The following PTPN2 variants were observed in gnomAD, a reference collection of about 807,000 sequenced individuals.
The protein encoded by PTPN2 is tyrosine-protein phosphatase non-receptor type 2.
PTPN2 carries 19 observed loss-of-function variants against 57.3 expected under a neutral mutation model. The observed-to-expected ratio is 0.33, with a 90% CI of 0.23 to 0.49. The LOEUF is 0.49. Ranked by LOEUF, PTPN2 falls within the 20% of genes least tolerant of loss-of-function variation. The pLI, the probability that PTPN2 is intolerant of heterozygous loss-of-function variation, is 0.99. For synonymous variants in PTPN2, 153 were observed against 164.9 expected, an observed-to-expected ratio of 0.93 and a Z score of 0.55; for missense variants, 358 against 501.1, an observed-to-expected ratio of 0.71 and a Z score of 2.73.
chr18:12,785,591 T>C, exon 10 of PTPN2: 1 of 582,798 alleles, frequency 1.7e-6, no homozygotes, highest in Non-Finnish European at 3.0e-6. Context: ...TTTCTACATT[T>C]CATACACTCA....
At chr18:12,834,363 G>C (rs925740556) in intron 3 of PTPN2, among the ~76,000 whole-genome samples, 3 of 151,634 alleles carry the variant, frequency 2.0e-5, no homozygotes, top group Non-Finnish European at 4.4e-5. Flanking sequence ...AATGTCTCTG[G>C]ATCTCCTTAG....
In PTPN2 at chr18:12,802,118, A is replaced by C. The variant is rs200711300; in HGVS notation, c.892T>G (p.Ser298Ala). The change falls in exon 8 of 9, where the codon TCT becomes GCT. Residue 298 changes from serine to alanine, a missense_variant. Physicochemically the swap from Ser to Ala is moderately conservative, Grantham distance 99 (BLOSUM62 1). This residue lies in a region of PTPN2 where 193 missense variants were observed against 315.4 expected (regional missense o/e 0.61). Coordinates refer to ENST00000309660, the MANE Select transcript of PTPN2 (RefSeq NM_002828.4). ...TTTGGTGAATGATCAAAGGCAGGAG[A>C]TAAGTCTTCCTTAGAAAGTTCTTTC... ...RWKELSKEDL[S>A]PAFDHSPNKI... 7.5e-5 allele frequency: 121 copies of C among 1,610,722 alleles called. No homozygotes were observed. Among genetic ancestry groups the C allele is most frequent in the Non-Finnish European group, 6.8e-5 (80 of 1,178,540 alleles).
At chr18:12,878,877 T>C (rs1274244186) in intron 1 of PTPN2, among the ~76,000 whole-genome samples, 1 of 152,098 alleles carries the variant, frequency 6.6e-6, no homozygotes, top group Admixed American at 6.6e-5. Flanking sequence ...TAAAAATAAA[T>C]AAGCCAAATT....
chr18:12,820,185 C>T (rs1176520678), intron 5 of PTPN2, among the ~76,000 whole-genome samples: 4 of 151,838 alleles, frequency 2.6e-5, no homozygotes, highest in Non-Finnish European at 4.4e-5. Context: ...GAAGCCAGTT[C>T]CCAGAAATGC....
chr18:12,850,259 G>A (rs1309735607), intron 2 of PTPN2, among the ~76,000 whole-genome samples: 1 of 152,078 alleles, frequency 6.6e-6, no homozygotes, highest in Non-Finnish European at 1.5e-5. Flanking sequence ...GGAAGGCCGA[G>A]GCAGGCAGAT....
At chr18:12,878,562 C>T (rs1041486926) in intron 1 of PTPN2, among the ~76,000 whole-genome samples, 14 of 151,926 alleles carry the variant, frequency 9.2e-5, no homozygotes, top group East Asian at 3.9e-4. Flanking sequence ...CCCAGCTACT[C>T]GGGAGGCTGA....
At chr18:12,794,843 G>C (rs1598728986) in intron 8 of PTPN2, among the ~76,000 whole-genome samples, 1 of 152,130 alleles carries the variant, frequency 6.6e-6, no homozygotes, top group Non-Finnish European at 1.5e-5. Context: ...GGCTGGTCTT[G>C]AACTCCTGAC....
intron 1 of PTPN2, among the ~76,000 whole-genome samples, chr18:12,871,119 T>G (rs907889667): frequency 5.3e-5 from 8 of 152,208 alleles, no homozygotes; most frequent in Admixed American, 2.0e-4. Flanking sequence ...ATTTTTCACT[T>G]AGTATATATT....
chr18:12,875,205 G>A lies in PTPN2; in HGVS notation c.69+8868C>T, dbSNP rs28452535. Among the ~76,000 whole-genome samples the A allele has an allele frequency of 2.6e-3, 392 of 152,036 alleles. 5 individuals are homozygous for A. Among genetic ancestry groups the A allele is most frequent in the African/African-American group, 8.1e-3 (335 of 41,464 alleles). The stretch of plus-strand genomic sequence containing the variant: ...CAGGGTCCTCTGCCTAGGAAAACCA[G>A]AGACCTTTGTTCACTTGTTTATCTG... On this transcript the variant is annotated intron_variant, in intron 1 of 8. Coordinates refer to ENST00000309660, the MANE Select transcript of PTPN2 (RefSeq NM_002828.4).
chr18:12,815,085 A>AAAATAAAT lies in PTPN2; in HGVS notation c.706-738_706-731dup, dbSNP rs199758431. 5.6e-3 allele frequency among the ~76,000 whole-genome samples: 764 copies of AAAATAAAT among 137,194 alleles called. 7 individuals carry two copies. The highest frequency in any genetic ancestry group is 0.013 in the East Asian group (58 of 4,614). The allele number at this position is 137,194 out of a possible 152,430, so 90.0% of individuals were successfully genotyped here. A position where few individuals can be genotyped will look rare whatever the true frequency, so the allele number is the denominator to read the frequency against. On this transcript the variant is annotated intron_variant, in intron 6 of 8. Transcript: ENST00000309660. Reference sequence around the variant, plus strand: ...GGCGACAGAGCGAGACTCCATCTCAAAAATAAATAAATAAATAAATAAATA... The same window carrying AAAATAAAT: ...GGCGACAGAGCGAGACTCCATCTCAAAAATAAATAAATAAATAAATAAATAAATAAATA...
At chr18:12,823,494 C>T (rs959604254) in intron 5 of PTPN2, among the ~76,000 whole-genome samples, 6 of 151,650 alleles carry the variant, frequency 4.0e-5, no homozygotes, top group African/African-American at 9.7e-5. Flanking sequence ...GCCAACACAG[C>T]GAAACCCCAT....
At chr18:12,799,156 T>C (rs939773720) in intron 8 of PTPN2, among the ~76,000 whole-genome samples, 1 of 152,106 alleles carries the variant, frequency 6.6e-6, no homozygotes, top group African/African-American at 2.4e-5. Flanking sequence ...TGGTGGCTCA[T>C]GTCTGTAATC....
chr18:12,877,408 T>C (rs2044525718), intron 1 of PTPN2, among the ~76,000 whole-genome samples: 1 of 152,144 alleles, frequency 6.6e-6, no homozygotes, highest in Non-Finnish European at 1.5e-5. Flanking sequence ...CAAATAGATA[T>C]GGTAGGCATG....
chr18:12,870,127 C>T (rs1465280084), intron 1 of PTPN2, among the ~76,000 whole-genome samples: 1 of 150,302 alleles, frequency 6.7e-6, no homozygotes, highest in Admixed American at 6.7e-5. Flanking sequence ...TACTGTGTGT[C>T]AGGCATGTGC....
chr18:12,794,210 C>T lies in PTPN2; in HGVS notation c.*68G>A. The stretch of plus-strand genomic sequence containing the variant: ...TGGGATATGAGGCGTTTGCTGCAGA[C>T]AAACCCCTATGATTAATGTAGCACT... On this transcript the variant is annotated 3_prime_UTR_variant, in exon 9 of 9. Transcript: ENST00000309660. The T allele has an allele frequency of 6.3e-7, 1 of 1,596,226 alleles. No individual in the cohort carries two copies.
intron 8 of PTPN2, among the ~76,000 whole-genome samples, chr18:12,795,972 CGATGGT>C (rs2041166002): frequency 6.7e-6 from 1 of 149,952 alleles, no homozygotes; most frequent in Non-Finnish European, 1.5e-5. Context: ...GCCTAGTGCA[CGATGGT>C]GCTTAAAAAT....
chr18:12,799,417 A>AG (rs2041321590), intron 8 of PTPN2, among the ~76,000 whole-genome samples: 1 of 151,588 alleles, frequency 6.6e-6, no homozygotes, highest in Non-Finnish European at 1.5e-5. Flanking sequence ...ACTCCGTCTC[A>AG]GGAAAAAAAA....
chr18:12,811,307 A>C, intron 7 of PTPN2, among the ~76,000 whole-genome samples: 1 of 152,140 alleles, frequency 6.6e-6, no homozygotes, highest in East Asian at 1.9e-4. Flanking sequence ...TACACTGGTC[A>C]ATTTTTGAAG....
At chr18:12,818,769 T>TC (rs1478154885) in intron 5 of PTPN2, among the ~76,000 whole-genome samples, 1 of 152,094 alleles carries the variant, frequency 6.6e-6, no homozygotes, top group Non-Finnish European at 1.5e-5. Context: ...ATAAAAATTT[T>TC]CAAAATTAGA....
Sources: allele counts gnomAD v4.1 joint callset (sites outside exome capture counted in the v4.1 genomes callset), GRCh38; gene constraint gnomAD v4.1.1; regional missense constraint gnomAD v4.1.1; transcripts MANE v1.5; gene names NCBI Gene and HGNC (gene_info 2026-07-23, HGNC 2026-07-21).